Variants in ANKDD1B observed in about 807,000 individuals in gnomAD.
The protein encoded by ANKDD1B is ankyrin repeat and death domain containing 1B, also known as ankyrin repeat and death domain-containing protein 1B.
A neutral mutation model predicts 59.7 loss-of-function variants in ANKDD1B; 57 were observed. That is an observed-to-expected ratio of 0.95 (90% CI 0.77 to 1.19). The LOEUF (loss-of-function observed/expected upper bound fraction) is 1.19, where lower values mean the gene tolerates loss of function less well. Ranked by LOEUF, ANKDD1B falls within the 50% of genes most tolerant of loss-of-function variation. ANKDD1B has a pLI of 0.00. For synonymous variants in ANKDD1B, 216 were observed against 239.5 expected (o/e 0.90, Z 0.91); for missense variants, 602 against 641.9 (o/e 0.94, Z 0.67).
chr5:75,643,302 C>T (rs1421383286), intron 7 of ANKDD1B, among the ~76,000 whole-genome samples: 1 of 47,186 alleles, frequency 2.1e-5, no homozygotes, highest in African/African-American at 2.5e-4. Flanking sequence ...TTACTCTGAG[C>T]TACGGGAGGA....
At chr5:75,629,575 A>G (rs1043530046) in intron 5 of ANKDD1B, among the ~76,000 whole-genome samples, 6 of 152,080 alleles carry the variant, frequency 3.9e-5, no homozygotes, top group Non-Finnish European at 7.3e-5. Context: ...AAAATAATTT[A>G]TAATAAACAA....
chr5:75,670,412 C>T (rs186021827), intron 13 of ANKDD1B, among the ~76,000 whole-genome samples: 1 of 152,300 alleles, frequency 6.6e-6, no homozygotes, highest in East Asian at 1.9e-4. Context: ...GTGATGTTAA[C>T]ATCGTTCTCA....
intron 11 of ANKDD1B, 147 bp from the exon 12 acceptor site, chr5:75,666,644 AT>A (rs55749171): frequency 0.58 from 282,369 of 487,462 alleles, 52,995 homozygotes; most frequent in African/African-American, 0.74. Flanking sequence ...AAAAAAAAAA[AT>A]ATATATATGA....
chr5:75,639,632 C>G (rs797021277), intron 7 of ANKDD1B, among the ~76,000 whole-genome samples: 6 of 152,288 alleles, frequency 3.9e-5, no homozygotes, highest in African/African-American at 1.4e-4. Flanking sequence ...TTGTTTATAC[C>G]TAATTAGCTA....
intron 7 of ANKDD1B, among the ~76,000 whole-genome samples, chr5:75,651,652 G>C (rs1483360148): frequency 1.3e-5 from 2 of 152,244 alleles, no homozygotes; most frequent in Non-Finnish European, 2.9e-5. Context: ...TTGGTTCAAA[G>C]AGGGGTTTTG....
chr5:75,662,357 G>T lies in ANKDD1B; in HGVS notation c.1096-1037G>T, dbSNP rs1579977491. Among the ~76,000 whole-genome samples, 4 of 152,156 alleles carry T rather than the reference G, an allele frequency of 2.6e-5. No individual in the cohort carries two copies. In the South Asian group the frequency reaches 6.2e-4, roughly 24 times the overall value. On this transcript the variant is annotated intron_variant, in intron 10 of 13. Coordinates refer to ENST00000601380, the MANE Select transcript of ANKDD1B (RefSeq NM_001276713.2). ...TCAGCCCTAATTTTCCTGCTCCCCT[G>T]GGTCTTAGTGCCTAGACTAAGAACC...
chr5:75,638,573 C>A (rs1158888030), intron 7 of ANKDD1B, among the ~76,000 whole-genome samples: 1 of 152,038 alleles, frequency 6.6e-6, no homozygotes, highest in African/African-American at 2.4e-5. Flanking sequence ...AAAGCATATG[C>A]TAGAAATATA....
In ANKDD1B at chr5:75,642,377, C is replaced by A. The variant is rs375320534; in HGVS notation, c.798+6495C>A. On this transcript the variant is annotated intron_variant, in intron 7 of 13. Coordinates refer to ENST00000601380, the MANE Select transcript of ANKDD1B (RefSeq NM_001276713.2). Reference sequence around the variant, plus strand: ...GGGAGTGCCAGACAGTGGGCGCAGGCCAGTGTGTGCGCGCACCGTGCGCGA... The same window carrying A: ...GGGAGTGCCAGACAGTGGGCGCAGGACAGTGTGTGCGCGCACCGTGCGCGA... 1.1e-3 allele frequency among the ~76,000 whole-genome samples: 168 copies of A among 149,528 alleles called. 1 individual carries two copies. In the East Asian group the frequency reaches 0.029, roughly 26 times the overall value.
chr5:75,649,692 A>T (rs1774775127), intron 7 of ANKDD1B, among the ~76,000 whole-genome samples: 2 of 152,210 alleles, frequency 1.3e-5, no homozygotes, highest in South Asian at 4.1e-4. Context: ...ATGTCACCTT[A>T]TCCAAGAAGG....
At chr5:75,620,891 T>C (rs1256289843) in intron 3 of ANKDD1B, among the ~76,000 whole-genome samples, 4 of 152,200 alleles carry the variant, frequency 2.6e-5, no homozygotes, top group Non-Finnish European at 2.9e-5. Context: ...ATTTTCTAGC[T>C]CCTCACCCTC....
chr5:75,663,347 A>C, intron 10 of ANKDD1B, 47 bp from the exon 11 acceptor site: 8 of 1,378,940 alleles, frequency 5.8e-6, no homozygotes, highest in Non-Finnish European at 8.0e-6. Flanking sequence ...TAGAGCTCCT[A>C]ATCACTAGGC....
chr5:75,620,720 G>C (rs759442752), intron 3 of ANKDD1B, among the ~76,000 whole-genome samples: 1 of 152,182 alleles, frequency 6.6e-6, no homozygotes, highest in African/African-American at 2.4e-5. Context: ...GTGGAAGACA[G>C]AAGCTAACTG....
chr5:75,625,228 T>G (rs1048091060), intron 3 of ANKDD1B, among the ~76,000 whole-genome samples: 1 of 152,196 alleles, frequency 6.6e-6, no homozygotes, highest in African/African-American at 2.4e-5. Flanking sequence ...CTCCTCCATA[T>G]GTAAGTGTGC....
Position 75,640,801 on chromosome 5 carries a change from T to G in ANKDD1B, c.798+4919T>G, listed in dbSNP as rs535723358. 7.9e-5 allele frequency among the ~76,000 whole-genome samples: 12 copies of G among 152,362 alleles called. No homozygotes were observed. The South Asian group carries it at 1.9e-3, about 24-fold the overall frequency. Reference sequence around the variant, plus strand: ...TACATTGATCCACTCACTGGTACTTTAGAATTAATATTTATAATATGCTTT... The same window carrying G: ...TACATTGATCCACTCACTGGTACTTGAGAATTAATATTTATAATATGCTTT... On this transcript the variant is annotated intron_variant, in intron 7 of 13. Transcript: ENST00000601380.
intron 9 of ANKDD1B, among the ~76,000 whole-genome samples, chr5:75,656,975 T>G (rs1471406315): frequency 6.6e-6 from 1 of 152,250 alleles, no homozygotes; most frequent in Non-Finnish European, 1.5e-5. Flanking sequence ...CTGAGCTGAA[T>G]GAAGATTTAC....
At chr5:75,642,785 CTG>C (rs1774516717) in intron 7 of ANKDD1B, among the ~76,000 whole-genome samples, 1 of 78,802 alleles carries the variant, frequency 1.3e-5, no homozygotes, top group South Asian at 5.1e-4. Flanking sequence ...GGCTCCACCT[CTG>C]GGGGCAGGGC....
intron 5 of ANKDD1B, among the ~76,000 whole-genome samples, chr5:75,630,283 T>C (rs1774114037): frequency 6.6e-6 from 1 of 152,254 alleles, no homozygotes; most frequent in South Asian, 2.1e-4. Context: ...TGTCTAATAA[T>C]ATGTACTCAA....
chr5:75,654,517 C>T (rs1774912340), intron 8 of ANKDD1B, among the ~76,000 whole-genome samples: 1 of 151,988 alleles, frequency 6.6e-6, no homozygotes, highest in African/African-American at 2.4e-5. Flanking sequence ...CCCATCTCTA[C>T]AAAAATTTAA....
intron 3 of ANKDD1B, among the ~76,000 whole-genome samples, chr5:75,620,727 A>G (rs903673139): frequency 6.6e-6 from 1 of 152,208 alleles, no homozygotes; most frequent in Non-Finnish European, 1.5e-5. Context: ...ACAGAAGCTA[A>G]CTGGCCCCAG....
Sources: allele counts gnomAD v4.1 joint callset (sites outside exome capture counted in the v4.1 genomes callset), GRCh38; gene constraint gnomAD v4.1.1; transcripts MANE v1.5; gene names NCBI Gene and HGNC (gene_info 2026-07-23, HGNC 2026-07-21).